The following UBE2L3 variants were observed in gnomAD, a reference collection of about 807,000 sequenced individuals.
UBE2L3 encodes ubiquitin-conjugating enzyme E2 L3.
UBE2L3 carries 1 observed loss-of-function variant against 17.8 expected under a neutral mutation model. The ratio of observed to expected loss-of-function variants is 0.06; its 90% confidence interval spans 0.02 to 0.27. The LOEUF is 0.27. Among genes scored for constraint, UBE2L3 ranks in the 10% least tolerant of loss-of-function variants. UBE2L3 has a pLI of 1.00. For missense variants in UBE2L3, 40 were observed against 192.6 expected, an observed-to-expected ratio of 0.21 and a Z score of 4.69; for synonymous variants, 44 against 68.5, an observed-to-expected ratio of 0.64 and a Z score of 1.76.
intron 1 of UBE2L3, among the ~76,000 whole-genome samples, chr22:21,581,346 G>A (rs964889863): frequency 3.9e-5 from 6 of 152,090 alleles, no homozygotes; most frequent in Non-Finnish European, 8.8e-5. Flanking sequence ...CACCATGCCT[G>A]GCCATTTTGT....
intron 1 of UBE2L3, among the ~76,000 whole-genome samples, chr22:21,569,343 C>G (rs1030850565): frequency 2.1e-5 from 3 of 145,468 alleles, no homozygotes; most frequent in Non-Finnish European, 4.5e-5. Flanking sequence ...TTGCAGTGAG[C>G]CAAGTTTGCA....
intron 2 of UBE2L3, among the ~76,000 whole-genome samples, chr22:21,601,599 G>A (rs1385096765): frequency 6.6e-6 from 1 of 151,918 alleles, no homozygotes; most frequent in East Asian, 2.0e-4. Flanking sequence ...ATAGGTATGA[G>A]CCACTGTGCC....
At chr22:21,610,541 G>C (rs1395485749) in intron 2 of UBE2L3, among the ~76,000 whole-genome samples, 1 of 152,174 alleles carries the variant, frequency 6.6e-6, no homozygotes, top group Non-Finnish European at 1.5e-5. Context: ...TCAGGGGCAG[G>C]GGGTATTTAG....
At chr22:21,582,853 G>A (rs1350328783) in intron 1 of UBE2L3, among the ~76,000 whole-genome samples, 1 of 152,124 alleles carries the variant, frequency 6.6e-6, no homozygotes, top group African/African-American at 2.4e-5. Flanking sequence ...AGCAGAGCAG[G>A]GGTTGCACAT....
In UBE2L3 at chr22:21,588,724, C is replaced by T. The variant is rs189723557; in HGVS notation, c.28-4137C>T. ...TGTCACTCAGGCTGGAGTGCAGTGG[C>T]GCAATCTTGGCTCACTACAACCTCC... On this transcript the variant is annotated intron_variant, in intron 1 of 3. Coordinates refer to ENST00000342192, the MANE Select transcript of UBE2L3 (RefSeq NM_003347.4). Among the ~76,000 whole-genome samples, 1,216 of 152,004 alleles carry T rather than the reference C, an allele frequency of 8.0e-3. 8 individuals are homozygous for T. Among genetic ancestry groups the T allele is most frequent in the Middle Eastern group, 0.027 (8 of 294 alleles).
chr22:21,574,238 C>T (rs894979197), intron 1 of UBE2L3, among the ~76,000 whole-genome samples: 8 of 152,178 alleles, frequency 5.3e-5, no homozygotes, highest in East Asian at 3.8e-4. Context: ...AGGAAGACTA[C>T]AGCATAGCAG....
intron 3 of UBE2L3, among the ~76,000 whole-genome samples, chr22:21,619,403 T>C (rs191116046): frequency 1.3e-5 from 2 of 152,258 alleles, no homozygotes; most frequent in African/African-American, 4.8e-5. Flanking sequence ...TTGCCCCTGC[T>C]TGCTGTTCAC....
chr22:21,567,642 G>C, upstream of UBE2L3: 1 of 1,545,486 alleles, frequency 6.5e-7, no homozygotes, highest in Non-Finnish European at 8.7e-7. Context: ...CTCTGCTCCT[G>C]TGCCCCGCCC....
chr22:21,580,685 T>A (rs1384524716), intron 1 of UBE2L3, among the ~76,000 whole-genome samples: 1 of 151,810 alleles, frequency 6.6e-6, no homozygotes, highest in African/African-American at 2.4e-5. Context: ...CTCCTGACCT[T>A]GTGATCCCCC....
intron 3 of UBE2L3, among the ~76,000 whole-genome samples, chr22:21,619,778 G>A (rs539714396): frequency 3.3e-5 from 5 of 152,094 alleles, no homozygotes; most frequent in Non-Finnish European, 7.4e-5. Flanking sequence ...TGCAACTGCC[G>A]TCTCCCGGGT....
intron 2 of UBE2L3, among the ~76,000 whole-genome samples, chr22:21,610,235 C>A (rs950154149): frequency 6.6e-6 from 1 of 152,182 alleles, no homozygotes. Flanking sequence ...CCAATCCCAT[C>A]ATGACCTAAT....
At chr22:21,564,164 T>TAG (rs558244438), upstream of UBE2L3, among the ~76,000 whole-genome samples, 27 of 151,974 alleles carry the variant, frequency 1.8e-4, no homozygotes, top group South Asian at 1.5e-3. Context: ...GCCTCCCAAG[T>TAG]AGCTAGAATT....
chr22:21,598,773 AT>A lies in UBE2L3; in HGVS notation c.123+5818del, dbSNP rs1337061327. Among the ~76,000 whole-genome samples the A allele has an allele frequency of 5.5e-5, 8 of 146,136 alleles. No homozygotes were observed. The East Asian group carries it at 1.6e-3, about 30-fold the overall frequency. On this transcript the variant is annotated intron_variant, in intron 2 of 3. Transcript: ENST00000342192. ...GGTCTCAAACTCCTGGGCTCAAGCG[AT>A]CCTCCTGCCTCAGCCTCCCAAAGTG...
At chr22:21,615,377 A>C (rs1013741193) in intron 3 of UBE2L3, among the ~76,000 whole-genome samples, 5 of 151,640 alleles carry the variant, frequency 3.3e-5, no homozygotes, top group African/African-American at 7.3e-5. Context: ...AACATGGTGA[A>C]ACCCTGTCTT....
chr22:21,572,358 C>G (rs149361973), intron 1 of UBE2L3, among the ~76,000 whole-genome samples: 1,622 of 146,906 alleles, frequency 0.011, 35 homozygotes, highest in African/African-American at 0.038. Flanking sequence ...TTGCTTGAAC[C>G]CGGGAGGCAG....
chr22:21,554,857 T>A (rs1926169960), intron 1 of UBE2L3, among the ~76,000 whole-genome samples: 1 of 151,862 alleles, frequency 6.6e-6, no homozygotes, highest in Non-Finnish European at 1.5e-5. Flanking sequence ...TTCACTGCAA[T>A]CTTCACCTCC....
intron 1 of UBE2L3, among the ~76,000 whole-genome samples, chr22:21,570,976 CATT>C (rs1926934257): frequency 6.6e-6 from 1 of 152,148 alleles, no homozygotes; most frequent in African/African-American, 2.4e-5. Context: ...GTGTAAAACA[CATT>C]ATTAAAAGTA....
At chr22:21,609,673 C>G (rs895464747) in intron 2 of UBE2L3, among the ~76,000 whole-genome samples, 1 of 151,568 alleles carries the variant, frequency 6.6e-6, no homozygotes, top group Non-Finnish European at 1.5e-5. Context: ...ACGCCACCAT[C>G]CAGTGGGCAA....
intron 1 of UBE2L3, 34 bp from the exon 2 acceptor site, chr22:21,592,827 A>G (rs1367159481): frequency 6.5e-6 from 10 of 1,544,778 alleles, no homozygotes; most frequent in South Asian, 5.6e-5. Flanking sequence ...GCTTTCCCCT[A>G]TTTGACACCC....
Sources: allele counts gnomAD v4.1 joint callset (sites outside exome capture counted in the v4.1 genomes callset), GRCh38; gene constraint gnomAD v4.1.1; transcripts MANE v1.5; gene names NCBI Gene and HGNC (gene_info 2026-07-23, HGNC 2026-07-21).